The following FOCAD variants were observed in gnomAD, a reference collection of about 807,000 sequenced individuals.
FOCAD encodes focadhesin.
Under a neutral mutation model 225.6 loss-of-function variants are expected in FOCAD, and 198 were observed. The observed-to-expected ratio is 0.88, with a 90% CI of 0.78 to 0.99. FOCAD has a LOEUF of 0.99. Ranked by LOEUF, FOCAD falls within the 50% of genes least tolerant of loss-of-function variation. The probability of loss-of-function intolerance (pLI) is 0.00; values close to 1 mark genes in which losing one functional copy is unlikely to be tolerated. For synonymous variants in FOCAD, 897 were observed against 755.0 expected (o/e 1.19, Z -3.08); for missense variants, 2,713 against 2,123.6 (o/e 1.28, Z -5.46).
At chr9:20,935,910 A>G (rs1183879704) in intron 28 of FOCAD, among the ~76,000 whole-genome samples, 1 of 152,206 alleles carries the variant, frequency 6.6e-6, no homozygotes, top group Non-Finnish European at 1.5e-5. Context: ...TTTGTCTATT[A>G]AACTAAATGC....
intron 4 of FOCAD, among the ~76,000 whole-genome samples, chr9:20,729,298 A>G (rs1020335262): frequency 1.3e-5 from 2 of 152,120 alleles, no homozygotes; most frequent in Non-Finnish European, 2.9e-5. Flanking sequence ...GAAACCTTTG[A>G]CATTCCTTGC....
rs766026625 is a variant in FOCAD at position 20,778,788 on chromosome 9, C to T, written c.994+20C>T. The T allele has an allele frequency of 7.1e-7, 1 of 1,416,846 alleles. No homozygotes were observed. The highest frequency in any genetic ancestry group is 1.4e-5 in the African/African-American group (1 of 71,354). The allele number at this position is 1,416,846 out of a possible 1,614,324, so 87.8% of individuals were successfully genotyped here. On this transcript the variant is annotated intron_variant, in intron 9 of 43. Transcript: ENST00000338382. Reference sequence around the variant, plus strand: ...ATCTAGGTAAATAAAAATACAGTCACTAGAGTAAAATGTAAATATAACATG... The same window carrying T: ...ATCTAGGTAAATAAAAATACAGTCATTAGAGTAAAATGTAAATATAACATG...
chr9:20,808,308 A>G (rs1365341908), intron 11 of FOCAD, among the ~76,000 whole-genome samples: 1 of 152,148 alleles, frequency 6.6e-6, no homozygotes, highest in African/African-American at 2.4e-5. Context: ...AGCTCAGCTC[A>G]CGTTTACTGA....
At chr9:20,853,722 C>A (rs1443711099) in intron 15 of FOCAD, among the ~76,000 whole-genome samples, 1 of 151,838 alleles carries the variant, frequency 6.6e-6, no homozygotes, top group Admixed American at 6.6e-5. Context: ...ACCTCAATAT[C>A]TATATCTGTT....
At position 20,938,573 on chromosome 9, in the gene FOCAD, C is replaced by A. The variant is rs375834823; in HGVS notation, c.3407+5470C>A. ...GAAGCGGAACATCACACACGGGGGC[C>A]TGTTGTGGGGTGGGGGGAGTGGGGA... is the stretch of plus-strand genomic sequence containing the variant. On this transcript the variant is annotated intron_variant, in intron 28 of 43. Coordinates refer to ENST00000338382, the MANE Select transcript of FOCAD (RefSeq NM_001375567.1). 4.2e-5 allele frequency among the ~76,000 whole-genome samples: 6 copies of A among 141,684 alleles called. No homozygotes were observed. The East Asian group carries it at 6.1e-4, about 14-fold the overall frequency. 93.0% of individuals were successfully genotyped at this position (141,684 alleles called of 152,430 possible).
intron 15 of FOCAD, among the ~76,000 whole-genome samples, chr9:20,853,528 C>T (rs1392682365): frequency 2.6e-5 from 4 of 151,594 alleles, no homozygotes; most frequent in African/African-American, 7.3e-5. Flanking sequence ...GGTGATGTTA[C>T]GGGTTGTTAA....
intron 11 of FOCAD, among the ~76,000 whole-genome samples, chr9:20,818,276 T>G (rs549131005): frequency 6.6e-6 from 1 of 152,236 alleles, no homozygotes; most frequent in South Asian, 2.1e-4. Flanking sequence ...TGGGTACAAA[T>G]CTCTTATTAG....
In FOCAD at chr9:20,820,348, A is replaced by G. The variant is rs140318156; in HGVS notation, c.1585A>G (p.Ile529Val). ...GGTGTGTATAGGACAAATTCTACGA[A>G]TAATACAACTACTTGGAACCACACC... is the stretch of plus-strand genomic sequence containing the variant. ...HKVCIGQILR[I>V]IQLLGTTPRL... The change falls in exon 13 of 44, where the codon ATA becomes GTA. Residue 529 changes from isoleucine (I) to valine (V), a missense_variant. Transcript: ENST00000338382. The G allele has an allele frequency of 1.3e-5, 21 of 1,612,550 alleles. No individual in the cohort carries two copies. In the African/African-American group the frequency reaches 2.0e-4, roughly 15 times the overall value.
intron 2 of FOCAD, among the ~76,000 whole-genome samples, chr9:20,668,053 A>T (rs1045259539): frequency 6.6e-6 from 1 of 152,258 alleles, no homozygotes; most frequent in South Asian, 2.1e-4. Flanking sequence ...TGAATGAAAT[A>T]CAATTTAATT....
At chr9:20,682,201 A>G (rs187015771), upstream of FOCAD, among the ~76,000 whole-genome samples, 44 of 152,374 alleles carry the variant, frequency 2.9e-4, 1 homozygote, top group East Asian at 8.1e-3. Context: ...ACTGTGAACA[A>G]TAAATTTTTA....
intron 6 of FOCAD, among the ~76,000 whole-genome samples, chr9:20,758,685 G>A (rs964091109): frequency 6.6e-6 from 1 of 152,088 alleles, no homozygotes; most frequent in African/African-American, 2.4e-5. Flanking sequence ...TCCCTACAAA[G>A]GACCTGAACT....
At chr9:20,717,921 T>A in intron 3 of FOCAD, 53 bp downstream of exon 3, 1 of 1,376,370 alleles carries the variant, frequency 7.3e-7, no homozygotes. Context: ...TGCTACTAGC[T>A]GGATCACATA....
At chr9:20,827,199 C>CTCCATAT (rs902725638) in intron 15 of FOCAD, among the ~76,000 whole-genome samples, 1 of 152,034 alleles carries the variant, frequency 6.6e-6, no homozygotes, top group Non-Finnish European at 1.5e-5. Flanking sequence ...ACCCCCTAAT[C>CTCCATAT]TCCATATTCC....
chr9:20,745,211 G>C (rs1454265460), intron 5 of FOCAD, among the ~76,000 whole-genome samples: 1 of 151,694 alleles, frequency 6.6e-6, no homozygotes, highest in East Asian at 1.9e-4. Context: ...CCAGGCTCAA[G>C]CTATCCTCCC....
intron 21 of FOCAD, among the ~76,000 whole-genome samples, chr9:20,887,379 C>A (rs1172560906): frequency 1.3e-5 from 2 of 151,988 alleles, no homozygotes; most frequent in Non-Finnish European, 2.9e-5. Flanking sequence ...GGATTACAGG[C>A]ATGCGCCACC....
intron 15 of FOCAD, among the ~76,000 whole-genome samples, chr9:20,858,869 A>G (rs912464015): frequency 9.2e-5 from 14 of 151,870 alleles, no homozygotes; most frequent in Non-Finnish European, 1.6e-4. Context: ...ATGTTGTTTA[A>G]TTTCCATATG....
chr9:20,942,866 G>A (rs975503353), intron 28 of FOCAD, among the ~76,000 whole-genome samples: 1 of 152,244 alleles, frequency 6.6e-6, no homozygotes, highest in East Asian at 1.9e-4. Context: ...AGCACAGGGT[G>A]CTGTGGGAGA....
Position 20,919,044 on chromosome 9 carries a change from A to ATTT in FOCAD, c.2852+2107_2852+2108insTTT, listed in dbSNP as rs576301662. ...AGTTAAATGCAAAAAGTGACATACC[A>ATTT]ATCATGGGATGATCCTGATTTGTTC... On this transcript the variant is annotated intron_variant, in intron 24 of 43. Coordinates refer to ENST00000338382, the MANE Select transcript of FOCAD (RefSeq NM_001375567.1). Among the ~76,000 whole-genome samples, 316 of 152,270 alleles carry ATTT rather than the reference A, an allele frequency of 2.1e-3. 1 individual carries two copies. The highest frequency in any genetic ancestry group is 7.2e-3 in the African/African-American group (301 of 41,568).
At chr9:20,775,251 G>A (rs946380713) in intron 8 of FOCAD, among the ~76,000 whole-genome samples, 2 of 152,088 alleles carry the variant, frequency 1.3e-5, no homozygotes, top group African/African-American at 4.8e-5. Context: ...ATAACTTAAG[G>A]TCCTTTCCAT....
Sources: gnomAD v4.1 joint callset for allele counts (sites outside exome capture counted in the v4.1 genomes callset) on GRCh38, gnomAD v4.1.1 for gene constraint, MANE v1.5 for transcripts, NCBI Gene and HGNC (gene_info 2026-07-23, HGNC 2026-07-21) for gene names.